The following GMDS variants were observed in gnomAD, a reference collection of about 807,000 sequenced individuals.
The protein encoded by GMDS is GDP-mannose 4,6-dehydratase.
A neutral mutation model predicts 49.9 loss-of-function variants in GMDS; 20 were observed. The observed-to-expected ratio is 0.40, with a 90% CI of 0.28 to 0.58. The LOEUF is 0.58. Ranked by LOEUF, GMDS falls within the 20% of genes least tolerant of loss-of-function variation. The pLI is 0.42. For synonymous variants in GMDS, 177 were observed against 178.6 expected (o/e 0.99, Z 0.07); for missense variants, 362 against 481.4 (o/e 0.75, Z 2.32).
chr6:1,955,308 T>G (rs994486623), intron 6 of GMDS, among the ~76,000 whole-genome samples: 3 of 152,182 alleles, frequency 2.0e-5, no homozygotes, highest in East Asian at 3.8e-4. Flanking sequence ...CCAAAATTTG[T>G]TATGCAGGTT....
chr6:2,123,709 C>T (rs979509365), intron 2 of GMDS, among the ~76,000 whole-genome samples: 11 of 152,200 alleles, frequency 7.2e-5, no homozygotes, highest in African/African-American at 2.2e-4. Context: ...CATACGTATA[C>T]ATATGTACTT....
intron 4 of GMDS, among the ~76,000 whole-genome samples, chr6:2,100,037 C>T (rs1773833607): frequency 6.6e-6 from 1 of 152,056 alleles, no homozygotes; most frequent in South Asian, 2.1e-4. Flanking sequence ...CAAAGCCTCA[C>T]ATCCTATTTT....
intron 4 of GMDS, among the ~76,000 whole-genome samples, chr6:2,102,875 A>C (rs993161923): frequency 3.3e-5 from 5 of 152,220 alleles, no homozygotes; most frequent in African/African-American, 1.2e-4. Context: ...TTGCAAGATT[A>C]TGTGTTTAGA....
At chr6:1,834,782 A>G (rs528790092) in intron 7 of GMDS, among the ~76,000 whole-genome samples, 3 of 152,144 alleles carry the variant, frequency 2.0e-5, no homozygotes, top group Non-Finnish European at 1.5e-5. Context: ...TTAATGTGAC[A>G]TTACTCGATT....
intron 4 of GMDS, among the ~76,000 whole-genome samples, chr6:2,080,646 A>T (rs1772634728): frequency 6.6e-6 from 1 of 152,106 alleles, no homozygotes; most frequent in Admixed American, 6.6e-5. Flanking sequence ...GGCTGTGGTA[A>T]CGTTTTGCTA....
At chr6:1,935,599 C>T (rs1762489167) in intron 6 of GMDS, among the ~76,000 whole-genome samples, 1 of 152,048 alleles carries the variant, frequency 6.6e-6, no homozygotes, top group Non-Finnish European at 1.5e-5. Context: ...AATAAACAGC[C>T]AGGCATGTGG....
At chr6:2,099,359 G>T (rs192237817) in intron 4 of GMDS, among the ~76,000 whole-genome samples, 1 of 151,958 alleles carries the variant, frequency 6.6e-6, no homozygotes, top group Admixed American at 6.6e-5. Context: ...ATATAGTTAC[G>T]GCATGAAATA....
chr6:1,639,798 A>G (rs1763271446), intron 9 of GMDS, among the ~76,000 whole-genome samples: 1 of 152,216 alleles, frequency 6.6e-6, no homozygotes, highest in Non-Finnish European at 1.5e-5. Context: ...GGATGGCTTG[A>G]GTCCGGGAGA....
At chr6:2,071,279 G>A (rs1771978666) in intron 4 of GMDS, among the ~76,000 whole-genome samples, 2 of 152,164 alleles carry the variant, frequency 1.3e-5, no homozygotes, top group South Asian at 2.1e-4. Context: ...CATTTCAGCT[G>A]TCTTTATTTT....
intron 9 of GMDS, among the ~76,000 whole-genome samples, chr6:1,662,892 C>T (rs1764125433): frequency 6.6e-6 from 1 of 152,108 alleles, no homozygotes; most frequent in South Asian, 2.1e-4. Flanking sequence ...AAAGAATGAG[C>T]ACAGATTCAG....
intron 4 of GMDS, among the ~76,000 whole-genome samples, chr6:2,038,683 T>C (rs1156475116): frequency 6.6e-6 from 1 of 151,846 alleles, no homozygotes; most frequent in East Asian, 1.9e-4. Flanking sequence ...AATATGCTCC[T>C]TGGATCAGTG....
intron 4 of GMDS, among the ~76,000 whole-genome samples, chr6:2,029,240 C>T (rs1041018604): frequency 1.3e-5 from 2 of 152,036 alleles, no homozygotes; most frequent in Admixed American, 6.6e-5. Flanking sequence ...CTGTCTCTCA[C>T]ACACATATAT....
chr6:1,817,666 T>C (rs1049035335), intron 7 of GMDS, among the ~76,000 whole-genome samples: 1 of 152,168 alleles, frequency 6.6e-6, no homozygotes, highest in African/African-American at 2.4e-5. Flanking sequence ...GAACAAACAA[T>C]TTAATTGCTT....
intron 1 of GMDS, among the ~76,000 whole-genome samples, chr6:2,195,268 C>A (rs1779229071): frequency 1.3e-5 from 2 of 151,884 alleles, no homozygotes; most frequent in Non-Finnish European, 2.9e-5. Flanking sequence ...AGCAAAAAGA[C>A]CTAGACAAAT....
intron 7 of GMDS, among the ~76,000 whole-genome samples, chr6:1,926,293 C>A (rs751359353): frequency 1.3e-5 from 2 of 152,164 alleles, no homozygotes; most frequent in South Asian, 2.1e-4. Flanking sequence ...TGAAAGAGCA[C>A]CCTGTAACAC....
intron 8 of GMDS, among the ~76,000 whole-genome samples, chr6:1,734,814 C>T (rs1207817939): frequency 6.6e-6 from 1 of 152,182 alleles, no homozygotes; most frequent in Non-Finnish European, 1.5e-5. Context: ...CAGAAAAAGC[C>T]TTGCGAGGTG....
intron 4 of GMDS, 137 bp from the exon 5 acceptor site, chr6:1,961,103 A>G (rs1763917305): frequency 2.0e-6 from 1 of 498,482 alleles, no homozygotes; most frequent in Non-Finnish European, 3.6e-6. Context: ...GCACAATAAG[A>G]ACGTGGATGT....
intron 9 of GMDS, among the ~76,000 whole-genome samples, chr6:1,690,567 C>G (rs1399144726): frequency 1.3e-5 from 2 of 152,106 alleles, no homozygotes; most frequent in Non-Finnish European, 2.9e-5. Flanking sequence ...TCAGAGTGAA[C>G]AGACAACCTA....
chr6:1,867,591 C>T (rs1758501621), intron 7 of GMDS, among the ~76,000 whole-genome samples: 1 of 152,170 alleles, frequency 6.6e-6, no homozygotes, highest in Admixed American at 6.5e-5. Flanking sequence ...AAGCTGGACC[C>T]CTGGACATTC....
Sources: allele counts gnomAD v4.1 joint callset (sites outside exome capture counted in the v4.1 genomes callset), GRCh38; gene constraint gnomAD v4.1.1; transcripts MANE v1.5; gene names NCBI Gene and HGNC (gene_info 2026-07-23, HGNC 2026-07-21).